The following ZNF804B variants were observed in gnomAD, a reference collection of about 807,000 sequenced individuals.
ZNF804B encodes zinc finger protein 804B.
Under a neutral mutation model 101.4 loss-of-function variants are expected in ZNF804B, and 80 were observed. The observed-to-expected ratio is 0.79, with a 90% CI of 0.66 to 0.95. The LOEUF (loss-of-function observed/expected upper bound fraction) is 0.95. Among genes scored for constraint, ZNF804B ranks in the 40% least tolerant of loss-of-function variants. The pLI, the probability that ZNF804B is intolerant of heterozygous loss-of-function variation, is 0.00. For synonymous variants in ZNF804B, 622 were observed against 558.8 expected (o/e 1.11, Z -1.59); for missense variants, 1,673 against 1,561.9 (o/e 1.07, Z -1.20).
intron 1 of ZNF804B, among the ~76,000 whole-genome samples, chr7:89,099,044 T>TTA (rs1168110295): frequency 1.0e-4 from 15 of 147,548 alleles, no homozygotes; most frequent in Admixed American, 6.1e-4. Flanking sequence ...ATATTATATA[T>TTA]TATATATATA....
At chr7:89,229,165 A>G (rs1308949733) in intron 2 of ZNF804B, among the ~76,000 whole-genome samples, 1 of 152,136 alleles carries the variant, frequency 6.6e-6, no homozygotes. Flanking sequence ...CAGCCCAGGA[A>G]GGGGCTCTCA....
chr7:88,905,191 G>A (rs1180071450), intron 1 of ZNF804B, among the ~76,000 whole-genome samples: 2 of 152,034 alleles, frequency 1.3e-5, no homozygotes, highest in African/African-American at 4.8e-5. Context: ...CTTTTCCTGT[G>A]TCTATTGAGA....
chr7:89,043,087 A>G (rs1404610879), intron 1 of ZNF804B, among the ~76,000 whole-genome samples: 1 of 152,222 alleles, frequency 6.6e-6, no homozygotes, highest in Non-Finnish European at 1.5e-5. Context: ...CAGCTGTACA[A>G]TAAATCAAAG....
chr7:88,909,640 G>A (rs1303984716), intron 1 of ZNF804B, among the ~76,000 whole-genome samples: 6 of 151,816 alleles, frequency 4.0e-5, no homozygotes, highest in East Asian at 1.9e-4. Context: ...ATTTTATGTC[G>A]CACAGGCTTG....
At chr7:88,889,251 A>G (rs571819169) in intron 1 of ZNF804B, among the ~76,000 whole-genome samples, 1 of 152,290 alleles carries the variant, frequency 6.6e-6, no homozygotes, top group East Asian at 1.9e-4. Context: ...TGTAATGAAC[A>G]TAGGAGTACA....
intron 2 of ZNF804B, among the ~76,000 whole-genome samples, chr7:89,297,906 T>C (rs1418255174): frequency 6.6e-6 from 1 of 151,134 alleles, no homozygotes; most frequent in African/African-American, 2.4e-5. Context: ...TTCCATAAAC[T>C]GTATCAATAA....
intron 1 of ZNF804B, among the ~76,000 whole-genome samples, chr7:88,906,924 G>A (rs975306848): frequency 6.6e-6 from 1 of 151,936 alleles, no homozygotes; most frequent in Non-Finnish European, 1.5e-5. Flanking sequence ...CTGATGTTGG[G>A]TTCATTTATA....
chr7:89,008,359 C>T (rs1027387901), intron 1 of ZNF804B, among the ~76,000 whole-genome samples: 9 of 152,154 alleles, frequency 5.9e-5, no homozygotes, highest in African/African-American at 2.2e-4. Flanking sequence ...ACAGACTATC[C>T]TCAGTATGCT....
At chr7:89,328,078 G>A (rs1338965297) in intron 3 of ZNF804B, among the ~76,000 whole-genome samples, 4 of 151,952 alleles carry the variant, frequency 2.6e-5, no homozygotes, top group Non-Finnish European at 5.9e-5. Context: ...TAAATTTGTG[G>A]ATTGTGATTT....
At chr7:89,210,933 A>T (rs1316458749) in intron 1 of ZNF804B, among the ~76,000 whole-genome samples, 1 of 152,222 alleles carries the variant, frequency 6.6e-6, no homozygotes, top group African/African-American at 2.4e-5. Flanking sequence ...GTTTTCCACA[A>T]TGGTTGCTAA....
chr7:89,146,652 GAGAT>G (rs1224600320), intron 1 of ZNF804B, among the ~76,000 whole-genome samples: 1 of 151,944 alleles, frequency 6.6e-6, no homozygotes, highest in Non-Finnish European at 1.5e-5. Context: ...AACTGTAAAT[GAGAT>G]AGAACTGTAT....
At chr7:88,854,160 A>C (rs188588357) in intron 1 of ZNF804B, among the ~76,000 whole-genome samples, 26 of 152,290 alleles carry the variant, frequency 1.7e-4, no homozygotes, top group Non-Finnish European at 3.5e-4. Flanking sequence ...TTTTACTATA[A>C]GCCAGGAAAA....
At chr7:88,882,730 G>A (rs1188643353) in intron 1 of ZNF804B, among the ~76,000 whole-genome samples, 1 of 152,050 alleles carries the variant, frequency 6.6e-6, no homozygotes, top group Non-Finnish European at 1.5e-5. Context: ...TAGACCATAA[G>A]TCTAAGTGAA....
At chr7:89,179,895 T>C (rs1248806208) in intron 1 of ZNF804B, among the ~76,000 whole-genome samples, 3 of 152,338 alleles carry the variant, frequency 2.0e-5, no homozygotes, top group Middle Eastern at 3.4e-3. Flanking sequence ...GTGACTCTTA[T>C]TGACTTGTAG....
intron 1 of ZNF804B, among the ~76,000 whole-genome samples, chr7:88,834,665 C>CTA (rs35443011): frequency 0.46 from 68,384 of 149,066 alleles, 16,525 homozygotes; most frequent in East Asian, 0.81. Context: ...ATATATTTTA[C>CTA]TATATATATA....
chr7:89,312,214 G>A (rs990701904), intron 2 of ZNF804B, among the ~76,000 whole-genome samples: 2 of 152,086 alleles, frequency 1.3e-5, no homozygotes, highest in African/African-American at 4.8e-5. Context: ...CTAAAATCTA[G>A]AAATATCCTC....
At position 88,995,600 on chromosome 7, in the gene ZNF804B, G is replaced by A. The variant is rs573631005; in HGVS notation, c.109-222555G>A. On this transcript the variant is annotated intron_variant, in intron 1 of 3. Coordinates refer to ENST00000333190, the MANE Select transcript of ZNF804B (RefSeq NM_181646.5). Reference sequence around the variant, plus strand: ...AGTTGGACTGAAGGTGTCAATTCCTGGCTAGAGTCTGGTTTTATGACTTAT... The same window carrying A: ...AGTTGGACTGAAGGTGTCAATTCCTAGCTAGAGTCTGGTTTTATGACTTAT... Among the ~76,000 whole-genome samples the A allele has an allele frequency of 5.3e-5, 8 of 151,964 alleles. No homozygotes were observed. In the East Asian group the frequency reaches 1.2e-3, roughly 22 times the overall value.
chr7:88,831,876 T>G (rs975651497), intron 1 of ZNF804B, among the ~76,000 whole-genome samples: 1 of 151,938 alleles, frequency 6.6e-6, no homozygotes, highest in Non-Finnish European at 1.5e-5. Flanking sequence ...TTTGTCTCCA[T>G]GTTGCCTTTT....
chr7:89,047,250 C>T (rs1049133893), intron 1 of ZNF804B, among the ~76,000 whole-genome samples: 3 of 152,106 alleles, frequency 2.0e-5, no homozygotes, highest in Admixed American at 2.0e-4. Context: ...GTAATATTTA[C>T]TAGTTGTGTG....
Sources: gnomAD v4.1 joint callset for allele counts (sites outside exome capture counted in the v4.1 genomes callset) on GRCh38, gnomAD v4.1.1 for gene constraint, MANE v1.5 for transcripts, NCBI Gene and HGNC (gene_info 2026-07-23, HGNC 2026-07-21) for gene names.